Variants in LRRC4C observed in about 807,000 individuals in gnomAD.
LRRC4C encodes the protein leucine-rich repeat-containing protein 4C.
LRRC4C carries 5 observed loss-of-function variants against 33.6 expected under a neutral mutation model. The ratio of observed to expected loss-of-function variants is 0.15; its 90% CI spans 0.08 to 0.31. The LOEUF (loss-of-function observed/expected upper bound fraction) is 0.31. Ranked by LOEUF, LRRC4C falls within the 10% of genes least tolerant of loss-of-function variation. The probability of loss-of-function intolerance (pLI) is 1.00; values close to 1 mark genes in which losing one functional copy is unlikely to be tolerated. For missense variants in LRRC4C, 560 were observed against 796.7 expected (o/e 0.70, Z 3.58); for synonymous variants, 329 against 302.0 (o/e 1.09, Z -0.93).
chr11:41,039,998 C>T (rs1000237748), intron 1 of LRRC4C, among the ~76,000 whole-genome samples: 18 of 151,780 alleles, frequency 1.2e-4, no homozygotes, highest in South Asian at 4.2e-4. Context: ...ATTAGCCGGG[C>T]GTGGTGGCGG....
intron 3 of LRRC4C, among the ~76,000 whole-genome samples, chr11:40,631,837 G>A (rs901362887): frequency 6.6e-6 from 1 of 152,070 alleles, no homozygotes; most frequent in Admixed American, 6.6e-5. Flanking sequence ...ATATTTATTT[G>A]AGCTTTAGAA....
chr11:41,376,657 G>A (rs1422655138), intron 1 of LRRC4C, among the ~76,000 whole-genome samples: 1 of 152,110 alleles, frequency 6.6e-6, no homozygotes. Context: ...ATGTAAAAAT[G>A]TTTAAGATGT....
intron 1 of LRRC4C, among the ~76,000 whole-genome samples, chr11:41,197,489 AG>A (rs979588049): frequency 6.6e-6 from 1 of 152,050 alleles, no homozygotes; most frequent in Non-Finnish European, 1.5e-5. Flanking sequence ...GAGGATTTGC[AG>A]GTGTGAAATT....
chr11:41,441,924 A>C (rs1484361128), intron 1 of LRRC4C, among the ~76,000 whole-genome samples: 2 of 152,128 alleles, frequency 1.3e-5, no homozygotes, highest in Non-Finnish European at 2.9e-5. Context: ...ATAAAACATA[A>C]ATTTAGGAAG....
intron 2 of LRRC4C, among the ~76,000 whole-genome samples, chr11:40,700,394 G>A (rs1479646910): frequency 6.6e-6 from 1 of 151,998 alleles, no homozygotes; most frequent in Non-Finnish European, 1.5e-5. Flanking sequence ...TAAAATCTTA[G>A]CACCCTATGG....
intron 1 of LRRC4C, among the ~76,000 whole-genome samples, chr11:40,983,075 T>C (rs374613497): frequency 2.0e-4 from 30 of 152,320 alleles, no homozygotes; most frequent in African/African-American, 5.1e-4. Context: ...AGTCTATTAT[T>C]AGTGGGCATT....
chr11:40,121,912 C>T (rs1855853523), intron 6 of LRRC4C, among the ~76,000 whole-genome samples: 1 of 152,168 alleles, frequency 6.6e-6, no homozygotes, highest in Admixed American at 6.5e-5. Context: ...AGAACCAAAA[C>T]TGCTTACCCC....
chr11:41,267,197 T>C (rs1949178977), intron 1 of LRRC4C, among the ~76,000 whole-genome samples: 2 of 152,108 alleles, frequency 1.3e-5, no homozygotes. Context: ...TCAGTACATA[T>C]TTATAACCTC....
rs1486364979 is a variant in LRRC4C, at chr11:40,937,601, A to ATGTGTG, written c.-495-3879_-495-3878insCACACA. Among the ~76,000 whole-genome samples, 293 of 114,746 alleles carry ATGTGTG rather than the reference A, an allele frequency of 2.6e-3. 3 individuals carry two copies. The South Asian group carries it at 0.032, about 12-fold the overall frequency. 75.3% of individuals were successfully genotyped at this position (114,746 alleles called of 152,430 possible). A position where few individuals can be genotyped will look rare whatever the true frequency, so the allele number is the denominator to read the frequency against. On this transcript the variant is annotated intron_variant, in intron 1 of 6. Coordinates refer to ENST00000528697, the MANE Select transcript of LRRC4C (RefSeq NM_001258419.2). ...TAATTCACTCTTCTTGAGTGTGTGTATATGTGTGTGTGTGTGTGTGTGTGT... is the reference window on the plus strand; with the variant it reads ...TAATTCACTCTTCTTGAGTGTGTGTATGTGTGTATGTGTGTGTGTGTGTGTGTGTGT...
intron 3 of LRRC4C, among the ~76,000 whole-genome samples, chr11:40,636,130 G>C (rs1269144702): frequency 6.6e-6 from 1 of 152,162 alleles, no homozygotes; most frequent in Non-Finnish European, 1.5e-5. Context: ...GCCTGCCCCA[G>C]GTGAAGTGCA....
intron 5 of LRRC4C, among the ~76,000 whole-genome samples, chr11:40,204,379 C>T (rs941735702): frequency 3.3e-5 from 5 of 152,104 alleles, no homozygotes; most frequent in African/African-American, 1.2e-4. Context: ...GACTCTAGGT[C>T]CCTAATGTCC....
At chr11:40,806,346 C>T (rs749797068) in intron 2 of LRRC4C, among the ~76,000 whole-genome samples, 2 of 152,200 alleles carry the variant, frequency 1.3e-5, no homozygotes, top group African/African-American at 2.4e-5. Flanking sequence ...ATGTCCATGT[C>T]CACGTCCATC....
At chr11:40,805,419 A>G (rs1951201921) in intron 2 of LRRC4C, among the ~76,000 whole-genome samples, 1 of 152,206 alleles carries the variant, frequency 6.6e-6, no homozygotes, top group African/African-American at 2.4e-5. Context: ...CAATTGTGAC[A>G]GCCATTCATT....
At chr11:41,168,972 G>T (rs540128545) in intron 1 of LRRC4C, among the ~76,000 whole-genome samples, 59 of 152,180 alleles carry the variant, frequency 3.9e-4, no homozygotes, top group South Asian at 6.2e-4. Context: ...GCCATTCTTC[G>T]CAAGGAGATT....
At chr11:40,647,049 T>A (rs937999340) in intron 3 of LRRC4C, among the ~76,000 whole-genome samples, 3 of 152,194 alleles carry the variant, frequency 2.0e-5, no homozygotes, top group Admixed American at 2.0e-4. Flanking sequence ...CAAAGTGATA[T>A]CTCTGAAGAT....
intron 3 of LRRC4C, among the ~76,000 whole-genome samples, chr11:40,466,201 A>G (rs7950424): frequency 0.4 from 60,716 of 151,834 alleles, 12,446 homozygotes; most frequent in East Asian, 0.54. Flanking sequence ...TTATAAGCGG[A>G]AGCTAAATAA....
At chr11:40,355,953 TGTATAGTATAGTATAGTATAGTACA>T (rs1947643342) in intron 3 of LRRC4C, among the ~76,000 whole-genome samples, 2 of 121,488 alleles carry the variant, frequency 1.6e-5, no homozygotes, top group Non-Finnish European at 3.6e-5. Context: ...AGTATAGTAT[TGTATAGTATAGTATAGTATAGTACA>T]GTATAGTATA....
At chr11:41,253,925 G>A (rs1473971622) in intron 1 of LRRC4C, among the ~76,000 whole-genome samples, 3 of 151,914 alleles carry the variant, frequency 2.0e-5, no homozygotes, top group South Asian at 2.1e-4. Context: ...CCCTAAGCCC[G>A]TTCTATGGAA....
intron 1 of LRRC4C, among the ~76,000 whole-genome samples, chr11:41,216,941 T>C (rs1032853168): frequency 6.6e-6 from 1 of 152,210 alleles, no homozygotes; most frequent in Admixed American, 6.5e-5. Flanking sequence ...TTCAAACTTA[T>C]GCTCTTTTTT....
Sources: allele counts gnomAD v4.1 joint callset (sites outside exome capture counted in the v4.1 genomes callset), GRCh38; gene constraint gnomAD v4.1.1; transcripts MANE v1.5; gene names NCBI Gene and HGNC (gene_info 2026-07-23, HGNC 2026-07-21).